The following CLVS1 variants were observed in gnomAD, a reference collection of about 807,000 sequenced individuals.
CLVS1 encodes clavesin-1.
In CLVS1, 10 loss-of-function variants were observed where a neutral mutation model predicts 33.1. The observed-to-expected ratio is 0.30, with a 90% CI of 0.19 to 0.51. The LOEUF is 0.51. Among genes scored for constraint, CLVS1 ranks in the 20% least tolerant of loss-of-function variants. CLVS1 has a pLI of 0.97. For synonymous variants in CLVS1, 163 were observed against 166.1 expected, an observed-to-expected ratio of 0.98 and a Z score of 0.14; for missense variants, 343 against 433.4, an observed-to-expected ratio of 0.79 and a Z score of 1.85.
intron 1 of CLVS1, among the ~76,000 whole-genome samples, chr8:61,107,581 C>A (rs150509517): frequency 6.6e-6 from 1 of 152,294 alleles, no homozygotes; most frequent in East Asian, 1.9e-4. Flanking sequence ...CTTCTTAATA[C>A]CATCACCTTG....
chr8:61,262,093 G>T (rs1809218064), intron 2 of CLVS1, among the ~76,000 whole-genome samples: 2 of 151,614 alleles, frequency 1.3e-5, no homozygotes, highest in Non-Finnish European at 2.9e-5. Flanking sequence ...ATAGCTCACT[G>T]CAGCCTTAAA....
intron 3 of CLVS1, among the ~76,000 whole-genome samples, chr8:61,387,641 C>T (rs1814142441): frequency 6.6e-6 from 1 of 152,070 alleles, no homozygotes; most frequent in Non-Finnish European, 1.5e-5. Context: ...TCCTAAACTT[C>T]CCTCTGAGTC....
chr8:61,285,966 T>G (rs911961431), upstream of CLVS1, among the ~76,000 whole-genome samples: 24 of 152,028 alleles, frequency 1.6e-4, no homozygotes, highest in Non-Finnish European at 2.6e-4. Context: ...GTAGTTTTTT[T>G]TTTTTTTTTT....
At chr8:61,324,284 C>T (rs1240401184) in intron 2 of CLVS1, among the ~76,000 whole-genome samples, 1 of 152,110 alleles carries the variant, frequency 6.6e-6, no homozygotes, top group Non-Finnish European at 1.5e-5. Context: ...ATACTTTTCT[C>T]ATGGTGGTGA....
At chr8:61,033,823 GAGT>G in the CLVS1 span, among the ~76,000 whole-genome samples, 1 of 152,184 alleles carries the variant, frequency 6.6e-6, no homozygotes, top group Non-Finnish European at 1.5e-5. Context: ...CCTGACAGAT[GAGT>G]CAAGTCTTAG....
chr8:61,367,241 G>A (rs7012774), intron 2 of CLVS1, among the ~76,000 whole-genome samples: 1,702 of 152,184 alleles, frequency 0.011, 40 homozygotes, highest in African/African-American at 0.038. Flanking sequence ...TCCTTCATCA[G>A]CATAACAGTC....
chr8:61,116,536 T>C (rs937551123), intron 1 of CLVS1, among the ~76,000 whole-genome samples: 1 of 152,242 alleles, frequency 6.6e-6, no homozygotes, highest in Non-Finnish European at 1.5e-5. Flanking sequence ...CCATCTTGAA[T>C]TGATTTTTGT....
chr8:61,201,156 A>ATTTTTT (rs1807724357), intron 2 of CLVS1, among the ~76,000 whole-genome samples: 2 of 152,214 alleles, frequency 1.3e-5, no homozygotes, highest in Admixed American at 1.3e-4. Flanking sequence ...ATCAAACAAA[A>ATTTTTT]AAGTTTTGTA....
At chr8:61,303,883 T>C (rs1342358469) in intron 2 of CLVS1, among the ~76,000 whole-genome samples, 1 of 152,238 alleles carries the variant, frequency 6.6e-6, no homozygotes, top group Non-Finnish European at 1.5e-5. Context: ...TTATCACTAA[T>C]ACTATGAAAG....
At chr8:61,416,305 GATA>G (rs1815431761) in intron 3 of CLVS1, among the ~76,000 whole-genome samples, 3 of 107,206 alleles carry the variant, frequency 2.8e-5, no homozygotes, top group South Asian at 2.7e-4. Context: ...TAGCTAGCTA[GATA>G]CATACATACA....
intron 2 of CLVS1, among the ~76,000 whole-genome samples, chr8:61,350,875 A>G (rs1468607075): frequency 6.6e-6 from 1 of 152,064 alleles, no homozygotes; most frequent in Admixed American, 6.6e-5. Context: ...AATAGTGATT[A>G]TATACCGCCA....
the CLVS1 span, among the ~76,000 whole-genome samples, chr8:60,974,974 G>A: frequency 1.2e-4 from 18 of 152,254 alleles, no homozygotes; most frequent in African/African-American, 3.9e-4. Context: ...TGATTTGAGT[G>A]GCTTGGACTG....
chr8:61,149,108 A>G (rs969228028), intron 2 of CLVS1, among the ~76,000 whole-genome samples: 1 of 152,190 alleles, frequency 6.6e-6, no homozygotes, highest in African/African-American at 2.4e-5. Flanking sequence ...ATCCACTAAA[A>G]TATAATCTCC....
chr8:61,485,241 T>C (rs1803831821), intron 5 of CLVS1, among the ~76,000 whole-genome samples: 1 of 151,958 alleles, frequency 6.6e-6, no homozygotes, highest in Admixed American at 6.6e-5. Context: ...CTCAAACAAA[T>C]TTACAAGAAA....
intron 2 of CLVS1, among the ~76,000 whole-genome samples, chr8:61,132,984 A>C (rs966517807): frequency 8.5e-5 from 13 of 152,214 alleles, no homozygotes; most frequent in Non-Finnish European, 1.9e-4. Context: ...GAGCAGCTCT[A>C]GTCTTTTCAT....
In CLVS1 at chr8:61,334,126, A is replaced by G. The variant is rs565802044; in HGVS notation, c.455+33844A>G. Reference sequence around the variant, plus strand: ...CTGATGGACATTTAGGTTGATTTAGATTTTCTTATAGGGAGGAATCAATGA... The same window carrying G: ...CTGATGGACATTTAGGTTGATTTAGGTTTTCTTATAGGGAGGAATCAATGA... On this transcript the variant is annotated intron_variant, in intron 2 of 5. Coordinates refer to ENST00000325897, the MANE Select transcript of CLVS1 (RefSeq NM_173519.3). Among the ~76,000 whole-genome samples the G allele has an allele frequency of 9.9e-5, 15 of 152,154 alleles. 1 individual carries two copies. The highest frequency in any genetic ancestry group is 3.4e-4 in the African/African-American group (14 of 41,506).
chr8:61,284,268 G>C (rs1461061956), upstream of CLVS1, among the ~76,000 whole-genome samples: 3 of 152,184 alleles, frequency 2.0e-5, no homozygotes, highest in Non-Finnish European at 4.4e-5. Context: ...CAAAATTACT[G>C]TTAGAGAGGA....
chr8:61,463,875 T>C (rs1485057496), intron 5 of CLVS1, among the ~76,000 whole-genome samples: 1 of 151,928 alleles, frequency 6.6e-6, no homozygotes, highest in African/African-American at 2.4e-5. Flanking sequence ...AAGATCATCC[T>C]GGGCAACATG....
chr8:60,988,820 A>C, the CLVS1 span, among the ~76,000 whole-genome samples: 8 of 152,218 alleles, frequency 5.3e-5, no homozygotes, highest in South Asian at 4.1e-4. Flanking sequence ...GAAACATGTA[A>C]ATGTTTTTTC....
Sources: allele counts gnomAD v4.1 joint callset (sites outside exome capture counted in the v4.1 genomes callset), GRCh38; gene constraint gnomAD v4.1.1; transcripts MANE v1.5; gene names NCBI Gene and HGNC (gene_info 2026-07-23, HGNC 2026-07-21).